SCAPER: variants seen among roughly 807,000 people sequenced by gnomAD.
SCAPER encodes S-phase cyclin A associated protein in the ER, also known as S phase cyclin A-associated protein in the endoplasmic reticulum.
Under a neutral mutation model 182.2 loss-of-function variants are expected in SCAPER, and 98 were observed. That is an observed-to-expected ratio of 0.54 (90% confidence interval 0.46 to 0.64). The LOEUF is 0.64. Ranked by LOEUF, SCAPER falls within the 30% of genes least tolerant of loss-of-function variation. The pLI, the probability that SCAPER is intolerant of heterozygous loss-of-function variation, is 0.00. For missense variants in SCAPER, 1,432 were observed against 1,690.0 expected (o/e 0.85, Z 2.68); for synonymous variants, 605 against 564.6 (o/e 1.07, Z -1.01).
chr15:76,478,727 T>C (rs928792894), intron 24 of SCAPER, among the ~76,000 whole-genome samples: 5 of 152,198 alleles, frequency 3.3e-5, no homozygotes, highest in Non-Finnish European at 5.9e-5. Flanking sequence ...CAGACTCTAA[T>C]TGATAACTAT....
intron 23 of SCAPER, among the ~76,000 whole-genome samples, chr15:76,525,215 T>C (rs868853278): frequency 6.6e-6 from 1 of 152,176 alleles, no homozygotes; most frequent in Non-Finnish European, 1.5e-5. Context: ...TTTTGATTCA[T>C]AGGATTAGTA....
intron 23 of SCAPER, among the ~76,000 whole-genome samples, chr15:76,523,329 T>G (rs2042959881): frequency 6.6e-6 from 1 of 152,112 alleles, no homozygotes; most frequent in African/African-American, 2.4e-5. Context: ...AGTTTGGATA[T>G]GCCACATTTT....
At chr15:76,646,298 T>C (rs2054542422) in intron 21 of SCAPER, among the ~76,000 whole-genome samples, 1 of 152,086 alleles carries the variant, frequency 6.6e-6, no homozygotes. Context: ...CATTCCTCTC[T>C]CTGCCCCATT....
At chr15:76,630,136 T>C (rs773025672) in intron 21 of SCAPER, among the ~76,000 whole-genome samples, 51 of 152,204 alleles carry the variant, frequency 3.4e-4, no homozygotes, top group Admixed American at 6.5e-4. Flanking sequence ...TGTGGGGTCA[T>C]TGGTGATATC....
intron 9 of SCAPER, among the ~76,000 whole-genome samples, chr15:76,772,959 T>A (rs17366342): frequency 8.6e-5 from 13 of 151,896 alleles, no homozygotes; most frequent in African/African-American, 2.9e-4. Flanking sequence ...CTAAGTCTCA[T>A]AAACTACTTT....
At chr15:76,474,011 T>G (rs1411948691) in intron 24 of SCAPER, among the ~76,000 whole-genome samples, 3 of 151,994 alleles carry the variant, frequency 2.0e-5, no homozygotes, top group Non-Finnish European at 4.4e-5. Flanking sequence ...AGGTTTCCTC[T>G]TGTTGGCCAG....
intron 22 of SCAPER, among the ~76,000 whole-genome samples, chr15:76,595,190 T>C (rs1230904609): frequency 8.3e-6 from 1 of 121,148 alleles, no homozygotes; most frequent in Admixed American, 9.4e-5. Context: ...TAGTCTCTGA[T>C]AAAACAGACC....
chr15:76,417,329 G>A (rs548020595), intron 26 of SCAPER, among the ~76,000 whole-genome samples: 74 of 152,336 alleles, frequency 4.9e-4, no homozygotes, highest in African/African-American at 1.8e-3. Flanking sequence ...TTTAAAAGGT[G>A]GTGGCAGAGA....
chr15:76,897,884 A>G (rs1489808194), intron 1 of SCAPER, among the ~76,000 whole-genome samples: 1 of 152,088 alleles, frequency 6.6e-6, no homozygotes, highest in Non-Finnish European at 1.5e-5. Flanking sequence ...TTTTTTAGGT[A>G]AATTCCAGAT....
chr15:76,805,488 T>G (rs146840766), intron 5 of SCAPER, among the ~76,000 whole-genome samples: 1 of 151,898 alleles, frequency 6.6e-6, no homozygotes, highest in African/African-American at 2.4e-5. Flanking sequence ...TCATTGGGGG[T>G]TATGTGCATT....
intron 22 of SCAPER, among the ~76,000 whole-genome samples, chr15:76,590,349 AT>A (rs892500964): frequency 3.9e-5 from 6 of 152,186 alleles, no homozygotes; most frequent in Non-Finnish European, 7.4e-5. Flanking sequence ...TGGAAAATGT[AT>A]TTTTTTCAAT....
intron 4 of SCAPER, among the ~76,000 whole-genome samples, chr15:76,848,668 T>C (rs2070396105): frequency 6.6e-6 from 1 of 152,198 alleles, no homozygotes; most frequent in Non-Finnish European, 1.5e-5. Flanking sequence ...AGATAATCGT[T>C]TATTATATGT....
intron 6 of SCAPER, among the ~76,000 whole-genome samples, chr15:76,801,064 G>A (rs901398470): frequency 2.0e-5 from 3 of 152,036 alleles, no homozygotes; most frequent in African/African-American, 7.3e-5. Context: ...AAATTTCACT[G>A]GCAAATAGTA....
At chr15:76,815,500 G>C (rs190991044) in intron 5 of SCAPER, among the ~76,000 whole-genome samples, 38 of 152,304 alleles carry the variant, frequency 2.5e-4, no homozygotes, top group African/African-American at 7.9e-4. Flanking sequence ...GCGACCATCA[G>C]AGTGTACTTA....
At chr15:76,782,376 T>C (rs1381834132) in intron 8 of SCAPER, among the ~76,000 whole-genome samples, 1 of 152,140 alleles carries the variant, frequency 6.6e-6, no homozygotes, top group East Asian at 1.9e-4. Context: ...CTCAGATTCA[T>C]AAAGCAAGTC....
chr15:76,606,922 G>C (rs1237086350), intron 22 of SCAPER, among the ~76,000 whole-genome samples: 1 of 152,186 alleles, frequency 6.6e-6, no homozygotes, highest in African/African-American at 2.4e-5. Context: ...CTGCACGTGA[G>C]ATGGGTTTCC....
chr15:76,655,533 A>G (rs1487288436), intron 21 of SCAPER, among the ~76,000 whole-genome samples: 1 of 152,186 alleles, frequency 6.6e-6, no homozygotes, highest in African/African-American at 2.4e-5. Context: ...AATTCAAGAA[A>G]CTCAGAGAAC....
intron 25 of SCAPER, among the ~76,000 whole-genome samples, chr15:76,459,543 GT>G (rs57690324): frequency 2.1e-5 from 3 of 143,986 alleles, no homozygotes; most frequent in African/African-American, 5.1e-5. Flanking sequence ...AATTATTAGG[GT>G]TTTTTTTTTT....
At chr15:76,832,750 T>TC (rs1329305313) in intron 5 of SCAPER, among the ~76,000 whole-genome samples, 1 of 151,966 alleles carries the variant, frequency 6.6e-6, no homozygotes, top group East Asian at 1.9e-4. Flanking sequence ...GTGTGGCACC[T>TC]CCCCCTCGCT....
Sources: gnomAD v4.1 joint callset for allele counts (sites outside exome capture counted in the v4.1 genomes callset) on GRCh38, gnomAD v4.1.1 for gene constraint, MANE v1.5 for transcripts, NCBI Gene and HGNC (gene_info 2026-07-23, HGNC 2026-07-21) for gene names.